Variants in DNAJC15 observed in about 807,000 individuals in gnomAD.
DNAJC15 encodes DnaJ heat shock protein family (Hsp40) member C15.
In DNAJC15, 27 loss-of-function variants were observed where a neutral mutation model predicts 22.4. The ratio of observed to expected loss-of-function variants is 1.20; its 90% CI spans 0.89 to 1.66. The LOEUF is 1.66. DNAJC15 is among the 40% of genes most tolerant of loss of function. DNAJC15 has a pLI of 0.00. For missense variants in DNAJC15, 208 were observed against 187.1 expected, an observed-to-expected ratio of 1.11 and a Z score of -0.65; for synonymous variants, 79 against 63.2, an observed-to-expected ratio of 1.25 and a Z score of -1.19.
At chr13:43,027,883 C>T (rs1422516899) in intron 1 of DNAJC15, among the ~76,000 whole-genome samples, 1 of 152,158 alleles carries the variant, frequency 6.6e-6, no homozygotes, top group East Asian at 1.9e-4. Context: ...TCTCAAACTC[C>T]TGACCTCAAG....
intron 3 of DNAJC15, 71 bp from the exon 4 acceptor site, chr13:43,078,541 C>T: frequency 8.1e-7 from 1 of 1,235,824 alleles, no homozygotes. Flanking sequence ...ACTGCAGCTA[C>T]ATGATGAGAT....
Position 43,023,622 on chromosome 13 carries a change from T to TTGCCATGGCTGCCC in DNAJC15, c.-4_10dup, listed in dbSNP as rs1414608979. ...CGGCGCCTTGAGTCTCCGGGCCGCC[T>TTGCCATGGCTGCCC]TGCCATGGCTGCCCGTGGTGTCATC... is the stretch of plus-strand genomic sequence containing the variant. On this transcript the variant is annotated 5_prime_UTR_variant, in exon 1 of 6. In the 5' UTR this introduces an upstream ATG that the reference lacks. Transcript: ENST00000379221. 6.2e-7 allele frequency: 1 copy of TTGCCATGGCTGCCC among 1,608,118 alleles called. No homozygotes were observed. The highest frequency in any genetic ancestry group is 1.3e-5 in the African/African-American group (1 of 74,754).
At chr13:43,030,371 G>C (rs1389003033) in intron 1 of DNAJC15, among the ~76,000 whole-genome samples, 2 of 152,164 alleles carry the variant, frequency 1.3e-5, no homozygotes, top group Non-Finnish European at 2.9e-5. Context: ...ACCATTTCAG[G>C]CTCTGCAGAC....
rs958246570 is a variant in DNAJC15, at chr13:43,114,053, T to A, written c.*6805T>A. 6 of 152,206 alleles carry A rather than the reference T, an allele frequency of 3.9e-5. No homozygotes were observed. The highest frequency in any genetic ancestry group is 7.4e-5 in the Non-Finnish European group (5 of 68,022). The allele number at this position is 152,206 out of a possible 1,614,324, so 9.4% of individuals were successfully genotyped here. On this transcript the variant is annotated 3_prime_UTR_variant, in exon 6 of 6. Coordinates refer to ENST00000379221, the MANE Select transcript of DNAJC15 (RefSeq NM_013238.3). The stretch of plus-strand genomic sequence containing the variant: ...TTTCTTCTTGTAAGCAGAGATTTTT[T>A]AAAATCCAATATGTGAAAATACGGA...
intron 1 of DNAJC15, among the ~76,000 whole-genome samples, chr13:43,063,719 G>A (rs1050557500): frequency 1.3e-5 from 2 of 152,192 alleles, no homozygotes; most frequent in African/African-American, 4.8e-5. Flanking sequence ...TATTAGCTAT[G>A]TGTTGCAAAT....
chr13:43,061,978 G>A (rs2040561419), intron 1 of DNAJC15, among the ~76,000 whole-genome samples: 1 of 152,210 alleles, frequency 6.6e-6, no homozygotes, highest in Admixed American at 6.5e-5. Context: ...CCTGTTGCAT[G>A]CCCCGTCTCT....
At chr13:43,081,198 A>G (rs905907800) in intron 4 of DNAJC15, among the ~76,000 whole-genome samples, 2 of 152,200 alleles carry the variant, frequency 1.3e-5, no homozygotes, top group African/African-American at 4.8e-5. Context: ...TTATTTTACA[A>G]AGCTGCCCAG....
At position 43,023,624 on chromosome 13, in the gene DNAJC15, G is replaced by C. The variant is rs763796656; in HGVS notation, c.-3G>C. On this transcript the variant is annotated 5_prime_UTR_variant, in exon 1 of 6. Transcript: ENST00000379221. Reference sequence around the variant, plus strand: ...GCGCCTTGAGTCTCCGGGCCGCCTTGCCATGGCTGCCCGTGGTGTCATCGC... The same window carrying C: ...GCGCCTTGAGTCTCCGGGCCGCCTTCCCATGGCTGCCCGTGGTGTCATCGC... 22 of 1,608,660 alleles carry C rather than the reference G, an allele frequency of 1.4e-5. No homozygotes were observed. Among genetic ancestry groups the C allele is most frequent in the Non-Finnish European group, 1.9e-5 (22 of 1,177,734 alleles).
At chr13:43,051,273 C>A (rs1164007050) in intron 1 of DNAJC15, among the ~76,000 whole-genome samples, 1 of 152,136 alleles carries the variant, frequency 6.6e-6, no homozygotes, top group African/African-American at 2.4e-5. Flanking sequence ...CCACTGTGCC[C>A]AGCTATTTTA....
At chr13:43,029,873 T>A (rs1342862394) in intron 1 of DNAJC15, among the ~76,000 whole-genome samples, 1 of 152,228 alleles carries the variant, frequency 6.6e-6, no homozygotes, top group Non-Finnish European at 1.5e-5. Flanking sequence ...GGCACATGGT[T>A]GCTCTGCCTC....
intron 1 of DNAJC15, among the ~76,000 whole-genome samples, chr13:43,061,261 GGGGGA>G (rs991487453): frequency 6.6e-6 from 1 of 152,202 alleles, no homozygotes; most frequent in Non-Finnish European, 1.5e-5. Flanking sequence ...AAGTTTCAGT[GGGGGA>G]GTGGGTGGGA....
In DNAJC15 at chr13:43,107,202, A is replaced by G. The variant is rs760852761; in HGVS notation, c.407A>G (p.Lys136Arg). 1 of 1,596,496 alleles carries G rather than the reference A, an allele frequency of 6.3e-7. No homozygotes were observed. Among genetic ancestry groups the G allele is most frequent in the Non-Finnish European group, 8.5e-7 (1 of 1,172,564 alleles). ...DKGGSPYVAA[K>R]INEAKDLLET... ...GGTGGATCTCCTTACGTAGCAGCCA[A>G]AATAAATGAAGCAAAAGACTTGCTA... The change falls in exon 6 of 6, where the codon AAA (lysine) becomes AGA (arginine). Residue 136 changes from lysine (K) to arginine (R), a missense_variant. Lys to Arg is a conservative substitution (Grantham distance 26, BLOSUM62 2). Transcript: ENST00000379221.
In DNAJC15 at chr13:43,107,264, C is replaced by T; in HGVS notation, c.*16C>T. On this transcript the variant is annotated 3_prime_UTR_variant, in exon 6 of 6. Coordinates refer to ENST00000379221, the MANE Select transcript of DNAJC15 (RefSeq NM_013238.3). ...CAAACATTGATGCTTAAGGACCACA[C>T]TGAAGGAAAAAAAAAGAGGGGACTT... 1 of 1,505,174 alleles carries T rather than the reference C, an allele frequency of 6.6e-7. No individual in the cohort carries two copies. Among genetic ancestry groups the T allele is most frequent in the Non-Finnish European group, 8.8e-7 (1 of 1,136,718 alleles). The allele number at this position is 1,505,174 out of a possible 1,614,324, so 93.2% of individuals were successfully genotyped here. A position where few individuals can be genotyped will look rare whatever the true frequency, so the allele number is the denominator to read the frequency against.
chr13:43,059,460 G>T (rs932772830), intron 1 of DNAJC15, among the ~76,000 whole-genome samples: 1 of 152,120 alleles, frequency 6.6e-6, no homozygotes, highest in Non-Finnish European at 1.5e-5. Context: ...CGCTTCCCGG[G>T]TTCAAGCGAT....
chr13:43,082,561 A>G (rs1053972158), intron 4 of DNAJC15, among the ~76,000 whole-genome samples: 1 of 152,168 alleles, frequency 6.6e-6, no homozygotes, highest in Non-Finnish European at 1.5e-5. Flanking sequence ...TCTTAAAGGC[A>G]GAGTGTTTTG....
At chr13:43,041,589 G>A (rs1175604983) in intron 1 of DNAJC15, among the ~76,000 whole-genome samples, 1 of 152,204 alleles carries the variant, frequency 6.6e-6, no homozygotes, top group African/African-American at 2.4e-5. Context: ...ACAGTGAGGT[G>A]AGGGCAGAAT....
chr13:43,066,696 C>G (rs2040585687), intron 2 of DNAJC15, among the ~76,000 whole-genome samples: 1 of 152,184 alleles, frequency 6.6e-6, no homozygotes, highest in South Asian at 2.1e-4. Context: ...GATCTCTGCT[C>G]ACTTCAAGCT....
chr13:43,043,055 GAT>G (rs1350840307), intron 1 of DNAJC15, among the ~76,000 whole-genome samples: 1 of 152,182 alleles, frequency 6.6e-6, no homozygotes, highest in African/African-American at 2.4e-5. Context: ...ACAGGAGCAA[GAT>G]TTTCTGACCA....
At chr13:43,026,092 G>A (rs57870706) in intron 1 of DNAJC15, among the ~76,000 whole-genome samples, 39,607 of 151,980 alleles carry the variant, frequency 0.26, 5,323 homozygotes, top group African/African-American at 0.34. Context: ...GGCTTTTCAA[G>A]TAGCAGAAGG....
Sources: allele counts gnomAD v4.1 joint callset (sites outside exome capture counted in the v4.1 genomes callset), GRCh38; gene constraint gnomAD v4.1.1; transcripts MANE v1.5; gene names NCBI Gene and HGNC (gene_info 2026-07-23, HGNC 2026-07-21).